Variants in RNF130 observed in about 807,000 individuals in gnomAD.
The protein encoded by RNF130 is E3 ubiquitin-protein ligase RNF130.
A neutral mutation model predicts 44.6 loss-of-function variants in RNF130; 21 were observed. That is an observed-to-expected ratio of 0.47 (90% CI 0.33 to 0.68). The LOEUF (loss-of-function observed/expected upper bound fraction) is 0.68. Among genes scored for constraint, RNF130 ranks in the 30% least tolerant of loss-of-function variants. The pLI, the probability that RNF130 is intolerant of heterozygous loss-of-function variation, is 0.02. For synonymous variants in RNF130, 214 were observed against 210.4 expected (o/e 1.02, Z -0.15); for missense variants, 479 against 560.6 (o/e 0.85, Z 1.47).
intron 3 of RNF130, among the ~76,000 whole-genome samples, chr5:180,008,741 G>A (rs1055348545): frequency 4.6e-5 from 7 of 151,938 alleles, no homozygotes; most frequent in African/African-American, 7.3e-5. Flanking sequence ...CAAGTTAGCC[G>A]GACACGGTGG....
At chr5:179,965,982 G>C (rs1762434355) in intron 7 of RNF130, among the ~76,000 whole-genome samples, 1 of 152,200 alleles carries the variant, frequency 6.6e-6, no homozygotes, top group Non-Finnish European at 1.5e-5. Flanking sequence ...GCAGCAGCAG[G>C]TGCTGGGAAA....
rs1470588877 is a variant in RNF130 at position 180,017,207 on chromosome 5, T to C, written c.443-3896A>G. 2.0e-5 allele frequency among the ~76,000 whole-genome samples: 3 copies of C among 152,200 alleles called. No homozygotes were observed. In the East Asian group the frequency reaches 5.8e-4, roughly 29 times the overall value. ...ATGCCCCTCAATCTGGATTTGACTG[T>C]TTCCTAATGATTAGATCTCCAAATT... is the stretch of plus-strand genomic sequence containing the variant. On this transcript the variant is annotated intron_variant, in intron 2 of 8. Coordinates refer to ENST00000521389, the MANE Select transcript of RNF130 (RefSeq NM_018434.6).
chr5:179,986,033 A>G (rs1266150010), intron 3 of RNF130, among the ~76,000 whole-genome samples: 1 of 151,804 alleles, frequency 6.6e-6, no homozygotes, highest in Non-Finnish European at 1.5e-5. Context: ...TGCTGCCATT[A>G]AATTCTCCAG....
chr5:180,052,563 GT>G (rs1764711253), intron 1 of RNF130, among the ~76,000 whole-genome samples: 1 of 152,186 alleles, frequency 6.6e-6, no homozygotes, highest in African/African-American at 2.4e-5. Flanking sequence ...TCTAGTATGA[GT>G]ATTTCCAGTA....
At chr5:180,057,534 C>A (rs889102666) in intron 1 of RNF130, among the ~76,000 whole-genome samples, 1 of 151,432 alleles carries the variant, frequency 6.6e-6, no homozygotes, top group African/African-American at 2.4e-5. Context: ...GGTGACAGAG[C>A]GAAACTCAGT....
Position 179,970,353 on chromosome 5 carries a change from A to G in RNF130, c.945+57T>C, listed in dbSNP as rs534724621. 2.9e-5 allele frequency: 37 copies of G among 1,290,320 alleles called. No individual in the cohort carries two copies. The African/African-American group carries it at 4.1e-4, about 14-fold the overall frequency. 79.9% of individuals were successfully genotyped at this position (1,290,320 alleles called of 1,614,324 possible). A position where few individuals can be genotyped will look rare whatever the true frequency, so the allele number is the denominator to read the frequency against. ...TATTATGCCAATTATGTTATATTGT[A>G]TTACACATACATATAATAATATACA... On this transcript the variant is annotated intron_variant, in intron 6 of 8. Transcript: ENST00000521389.
At chr5:179,983,067 A>G (rs1762873936) in intron 3 of RNF130, among the ~76,000 whole-genome samples, 1 of 151,990 alleles carries the variant, frequency 6.6e-6, no homozygotes, top group South Asian at 2.1e-4. Context: ...GTTGTTTTGT[A>G]TTATTGACTT....
At chr5:180,045,277 G>A (rs899426900) in intron 1 of RNF130, among the ~76,000 whole-genome samples, 9 of 152,182 alleles carry the variant, frequency 5.9e-5, no homozygotes, top group Non-Finnish European at 1.0e-4. Flanking sequence ...TTCGGAATTC[G>A]TGGGTTCTTG....
intron 1 of RNF130, among the ~76,000 whole-genome samples, chr5:180,069,248 T>A (rs575192731): frequency 3.7e-4 from 56 of 152,330 alleles, no homozygotes; most frequent in African/African-American, 1.1e-3. Context: ...CGGATTTTTT[T>A]AAATCTGTTT....
intron 2 of RNF130, among the ~76,000 whole-genome samples, chr5:180,035,581 A>G (rs1436105388): frequency 5.9e-5 from 9 of 152,318 alleles, no homozygotes; most frequent in Non-Finnish European, 1.0e-4. Flanking sequence ...TATTCTATCA[A>G]TTACTAAGAG....
intron 1 of RNF130, among the ~76,000 whole-genome samples, chr5:180,067,149 G>T (rs1323221514): frequency 6.6e-6 from 1 of 152,230 alleles, no homozygotes; most frequent in Non-Finnish European, 1.5e-5. Flanking sequence ...ACAGGGCAAG[G>T]TGGGGTGAGG....
At chr5:179,978,098 C>A in intron 5 of RNF130, 105 bp downstream of exon 5, 1 of 943,986 alleles carries the variant, frequency 1.1e-6, no homozygotes, top group Non-Finnish European at 1.7e-6. Flanking sequence ...TCCAGAAAGC[C>A]ACGAGGTGGG....
At chr5:179,968,893 T>C (rs531881891) in intron 6 of RNF130, among the ~76,000 whole-genome samples, 17 of 152,242 alleles carry the variant, frequency 1.1e-4, no homozygotes, top group African/African-American at 1.9e-4. Flanking sequence ...CAAGAAGGGA[T>C]TGTCCAGTCC....
intron 7 of RNF130, among the ~76,000 whole-genome samples, chr5:179,921,223 G>A (rs1206754820): frequency 1.3e-5 from 2 of 152,046 alleles, no homozygotes; most frequent in African/African-American, 4.8e-5. Flanking sequence ...TCAAGATAAC[G>A]AACATATCCA....
intron 7 of RNF130, among the ~76,000 whole-genome samples, chr5:179,925,308 C>A (rs1038295828): frequency 6.6e-6 from 1 of 152,046 alleles, no homozygotes; most frequent in African/African-American, 2.4e-5. Flanking sequence ...GTCATGCCCA[C>A]GTAATGAAGC....
At chr5:179,948,961 ATTTTTT>A (rs554440602) in intron 7 of RNF130, among the ~76,000 whole-genome samples, 2 of 128,596 alleles carry the variant, frequency 1.6e-5, no homozygotes, top group African/African-American at 6.1e-5. Flanking sequence ...CCTTGGAATA[ATTTTTT>A]TTTTTTTTTT....
intron 1 of RNF130, among the ~76,000 whole-genome samples, chr5:180,045,056 C>G (rs1029051863): frequency 2.0e-5 from 3 of 152,108 alleles, no homozygotes; most frequent in Admixed American, 6.5e-5. Flanking sequence ...CATAAAAACA[C>G]AGAGCAAAGA....
At position 180,071,541 on chromosome 5, in the gene RNF130, A is replaced by T; in HGVS notation, c.162T>A (p.Phe54Leu). ...GCCCGTAGCGCCCGCGGTCGATGCG[A>T]AACGTGAGCGGGGCGCCGCGGCCGG... Reference protein sequence around the residue: ...QEPGRGAPLTFRIDRGRYGLD... With the variant: ...QEPGRGAPLTLRIDRGRYGLD... The change falls in exon 1 of 9, where the codon TTT becomes TTA. Residue 54 changes from phenylalanine to leucine, a missense_variant. Phe to Leu is a conservative substitution (Grantham distance 22). Coordinates refer to ENST00000521389, the MANE Select transcript of RNF130 (RefSeq NM_018434.6). 2 of 1,406,672 alleles carry T rather than the reference A, an allele frequency of 1.4e-6. No homozygotes were observed. The highest frequency in any genetic ancestry group is 1.9e-6 in the Non-Finnish European group (2 of 1,071,936). 87.1% of individuals were successfully genotyped at this position (1,406,672 alleles called of 1,614,324 possible).
At position 179,977,857 on chromosome 5, in the gene RNF130, AAAATAAAT is replaced by A. The variant is rs570884111; in HGVS notation, c.848+338_848+345del. Among the ~76,000 whole-genome samples the A allele has an allele frequency of 6.6e-6, 1 of 152,240 alleles. No homozygotes were observed. The highest frequency in any genetic ancestry group is 2.4e-5 in the African/African-American group (1 of 41,470). ...GTGACAGAGCGAGACTCCGTCTCAAAAAATAAATAAATAAATAAATAAAAGAAAACAAA... is the reference window on the plus strand; with the variant it reads ...GTGACAGAGCGAGACTCCGTCTCAAAAAATAAATAAATAAAAGAAAACAAA... On this transcript the variant is annotated intron_variant, in intron 5 of 8. Transcript: ENST00000521389. This position sits in a 1 kb window ranked among gnomAD's most constrained non-coding sequence, Gnocchi z 4.1.
Sources: gnomAD v4.1 joint callset for allele counts (sites outside exome capture counted in the v4.1 genomes callset) on GRCh38, gnomAD v4.1.1 for gene constraint, Gnocchi (gnomAD v3.1) non-coding constraint, MANE v1.5 for transcripts, NCBI Gene and HGNC (gene_info 2026-07-23, HGNC 2026-07-21) for gene names.